Variants in SPRYD4 observed in about 807,000 individuals in gnomAD.
SPRYD4 encodes the protein SPRY domain containing 4.
In SPRYD4, 12 loss-of-function variants were observed where a neutral mutation model predicts 16.6. That is an observed-to-expected ratio of 0.72 (90% CI 0.46 to 1.17). The LOEUF (loss-of-function observed/expected upper bound fraction) is 1.17. SPRYD4 is among the 50% of genes most tolerant of loss of function. SPRYD4 has a pLI of 0.00. For synonymous variants in SPRYD4, 98 were observed against 105.4 expected (o/e 0.93, Z 0.43); for missense variants, 260 against 260.2 (o/e 1.00, Z 0.00).
Position 56,471,850 on chromosome 12 carries a change from C to T in SPRYD4, c.*2273C>T, listed in dbSNP as rs1488875601. ...CTTCGATGTGTCCTAGGAATATGGG[C>T]AGAAGGAAAATGAGAAGGCGCAGGT... On this transcript the variant is annotated 3_prime_UTR_variant, in exon 2 of 2. Transcript: ENST00000338146. The T allele has an allele frequency of 6.2e-7, 1 of 1,613,292 alleles. No homozygotes were observed. The highest frequency in any genetic ancestry group is 8.5e-7 in the Non-Finnish European group (1 of 1,179,698).
chr12:56,474,692 G>A lies in SPRYD4; in HGVS notation c.*5115G>A, dbSNP rs963826487. 6.2e-7 allele frequency: 1 copy of A among 1,611,976 alleles called. No homozygotes were observed. Among genetic ancestry groups the A allele is most frequent in the African/African-American group, 1.3e-5 (1 of 74,918 alleles). On this transcript the variant is annotated 3_prime_UTR_variant, in exon 2 of 2. Coordinates refer to ENST00000338146, the MANE Select transcript of SPRYD4 (RefSeq NM_207344.4). The stretch of plus-strand genomic sequence containing the variant: ...GAGGGTGGCTGCCATGACACTGCCT[G>A]ATTCACAAGTGACCTCCACAGAACA...
Position 56,471,545 on chromosome 12 carries a change from GT to G in SPRYD4, c.*1971del. 6.2e-7 allele frequency: 1 copy of G among 1,614,174 alleles called. No homozygotes were observed. The highest frequency in any genetic ancestry group is 8.5e-7 in the Non-Finnish European group (1 of 1,180,036). ...GGCCTCAGCTGCTGCCTCAGCCTGA[GT>G]TTCAGAGAGTGTGTAGGAGTCCTGG... On this transcript the variant is annotated 3_prime_UTR_variant, in exon 2 of 2. Transcript: ENST00000338146.
At position 56,474,505 on chromosome 12, in the gene SPRYD4, T is replaced by A. The variant is rs768744866; in HGVS notation, c.*4928T>A. 10 of 1,610,462 alleles carry A rather than the reference T, an allele frequency of 6.2e-6. No homozygotes were observed. In the South Asian group the frequency reaches 1.1e-4, roughly 18 times the overall value. ...AGTCAGTGTTCTCTCTTCTTAGCAC[T>A]GGGCTCATGACAGATGGATAGCAGA... On this transcript the variant is annotated 3_prime_UTR_variant, in exon 2 of 2. Transcript: ENST00000338146.
Position 56,478,369 on chromosome 12 carries a change from C to A in SPRYD4, c.*8792C>A, listed in dbSNP as rs1428593454. 2.5e-6 allele frequency: 3 copies of A among 1,209,110 alleles called. No homozygotes were observed. Among genetic ancestry groups the A allele is most frequent in the African/African-American group, 1.5e-5 (1 of 66,728 alleles). The allele number at this position is 1,209,110 out of a possible 1,614,324, so 74.9% of individuals were successfully genotyped here. Reference sequence around the variant, plus strand: ...TAGATAAAAGCTAAAATTCTGTCTTCTATAGGGCAGAGGGGTTCCCTCCTG... The same window carrying A: ...TAGATAAAAGCTAAAATTCTGTCTTATATAGGGCAGAGGGGTTCCCTCCTG... On this transcript the variant is annotated 3_prime_UTR_variant, in exon 2 of 2. Coordinates refer to ENST00000338146, the MANE Select transcript of SPRYD4 (RefSeq NM_207344.4).
At chr12:56,469,008 T>C (rs200961532) in intron 1 of SPRYD4, 31 bp from the exon 2 acceptor site, 47 of 1,534,636 alleles carry the variant, frequency 3.1e-5, no homozygotes, top group Non-Finnish European at 4.0e-5. Flanking sequence ...CTAGCCCCTG[T>C]TATTATCCCG....
chr12:56,473,355 T>C lies in SPRYD4; in HGVS notation c.*3778T>C, dbSNP rs1869485945. The C allele has an allele frequency of 2.5e-6, 4 of 1,610,494 alleles. No individual in the cohort carries two copies. In the South Asian group the frequency reaches 4.4e-5, roughly 18 times the overall value. ...TAAGCCAAATATATTGTTTATTTAC[T>C]CCTTACACTTAGTAGGAGCTCAAAA... On this transcript the variant is annotated 3_prime_UTR_variant, in exon 2 of 2. Coordinates refer to ENST00000338146, the MANE Select transcript of SPRYD4 (RefSeq NM_207344.4).
chr12:56,471,390 A>G lies in SPRYD4; in HGVS notation c.*1813A>G. On this transcript the variant is annotated 3_prime_UTR_variant, in exon 2 of 2. Transcript: ENST00000338146. ...CCAAATGACTGCTTGGTCCCCACTG[A>G]AGCAGTGTAGCTCTCCATAGTATTT... The G allele has an allele frequency of 7.6e-7, 1 of 1,318,706 alleles. No individual in the cohort carries two copies. The highest frequency in any genetic ancestry group is 1.0e-6 in the Non-Finnish European group (1 of 973,532). 81.7% of individuals were successfully genotyped at this position (1,318,706 alleles called of 1,614,324 possible). A position where few individuals can be genotyped will look rare whatever the true frequency, so the allele number is the denominator to read the frequency against.
In SPRYD4 at chr12:56,473,563, C is replaced by G; in HGVS notation, c.*3986C>G. 6.2e-7 allele frequency: 1 copy of G among 1,612,664 alleles called. No homozygotes were observed. The highest frequency in any genetic ancestry group is 8.5e-7 in the Non-Finnish European group (1 of 1,179,848). On this transcript the variant is annotated 3_prime_UTR_variant, in exon 2 of 2. Coordinates refer to ENST00000338146, the MANE Select transcript of SPRYD4 (RefSeq NM_207344.4). ...ATTGGGTACCACCAGGAGGATGGCT[C>G]CTGATACAGCTGACTTGGCTGGCAG...
In SPRYD4 at chr12:56,473,206, A is replaced by G; in HGVS notation, c.*3629A>G. The G allele has an allele frequency of 6.2e-7, 1 of 1,609,574 alleles. No individual in the cohort carries two copies. The highest frequency in any genetic ancestry group is 8.5e-7 in the Non-Finnish European group (1 of 1,176,054). Reference sequence around the variant, plus strand: ...ACCTGGCCTTTGAAATATTCTTACAAGCCACCTGGAGTTTTCCTTACCCGA... The same window carrying G: ...ACCTGGCCTTTGAAATATTCTTACAGGCCACCTGGAGTTTTCCTTACCCGA... On this transcript the variant is annotated 3_prime_UTR_variant, in exon 2 of 2. Transcript: ENST00000338146.
rs566763201 is a variant in SPRYD4, at chr12:56,472,984, G to A, written c.*3407G>A. On this transcript the variant is annotated 3_prime_UTR_variant, in exon 2 of 2. Transcript: ENST00000338146. Reference sequence around the variant, plus strand: ...GGCTCACTGCAACCTCTGCCTCCCGGTTTCAAGCGATTCTCCTGCCTCAGC... The same window carrying A: ...GGCTCACTGCAACCTCTGCCTCCCGATTTCAAGCGATTCTCCTGCCTCAGC... 527 of 582,108 alleles carry A rather than the reference G, an allele frequency of 9.1e-4. No individual in the cohort carries two copies. The highest frequency in any genetic ancestry group is 1.4e-3 in the Non-Finnish European group (464 of 334,460). The allele number at this position is 582,108 out of a possible 1,614,324, so 36.1% of individuals were successfully genotyped here.
At position 56,474,752 on chromosome 12, in the gene SPRYD4, C is replaced by T. The variant is rs118135129; in HGVS notation, c.*5175C>T. On this transcript the variant is annotated 3_prime_UTR_variant, in exon 2 of 2. Coordinates refer to ENST00000338146, the MANE Select transcript of SPRYD4 (RefSeq NM_207344.4). ...AAACAAAGAATAGGTGAAGATGTGA[C>T]GTGAACCTGCACATGGGACCCTCGG... 55 of 1,609,914 alleles carry T rather than the reference C, an allele frequency of 3.4e-5. No homozygotes were observed. The East Asian group carries it at 6.0e-4, about 18-fold the overall frequency.
Position 56,476,029 on chromosome 12 carries a change from G to T in SPRYD4, c.*6452G>T. 1 of 1,574,506 alleles carries T rather than the reference G, an allele frequency of 6.4e-7. No individual in the cohort carries two copies. Among genetic ancestry groups the T allele is most frequent in the South Asian group, 1.1e-5 (1 of 90,098 alleles). ...ATTCTAAGTGTAGGAGGATGACAGA[G>T]GGAAGGGTCAGAAGGATCTAGTGGA... On this transcript the variant is annotated 3_prime_UTR_variant, in exon 2 of 2. Transcript: ENST00000338146.
chr12:56,474,716 C>T lies in SPRYD4; in HGVS notation c.*5139C>T, dbSNP rs780767148. The T allele has an allele frequency of 3.1e-6, 5 of 1,609,280 alleles. No homozygotes were observed. The highest frequency in any genetic ancestry group is 4.2e-6 in the Non-Finnish European group (5 of 1,176,892). The stretch of plus-strand genomic sequence containing the variant: ...TGATTCACAAGTGACCTCCACAGAA[C>T]ACAGCTATGAAAACAAAGAATAGGT... On this transcript the variant is annotated 3_prime_UTR_variant, in exon 2 of 2. Transcript: ENST00000338146.
At position 56,472,040 on chromosome 12, in the gene SPRYD4, C is replaced by T. The variant is rs1565700521; in HGVS notation, c.*2463C>T. Reference sequence around the variant, plus strand: ...TGCTGCCCCTATAACCTTGAGGGCACATATAATGAAGGTACTTTTGGTGAA... The same window carrying T: ...TGCTGCCCCTATAACCTTGAGGGCATATATAATGAAGGTACTTTTGGTGAA... On this transcript the variant is annotated 3_prime_UTR_variant, in exon 2 of 2. Coordinates refer to ENST00000338146, the MANE Select transcript of SPRYD4 (RefSeq NM_207344.4). The T allele has an allele frequency of 1.3e-6, 2 of 1,491,780 alleles. No homozygotes were observed. The highest frequency in any genetic ancestry group is 9.3e-7 in the Non-Finnish European group (1 of 1,074,870). The allele number at this position is 1,491,780 out of a possible 1,614,324, so 92.4% of individuals were successfully genotyped here. A position where few individuals can be genotyped will look rare whatever the true frequency, so the allele number is the denominator to read the frequency against.
At position 56,471,424 on chromosome 12, in the gene SPRYD4, T is replaced by C; in HGVS notation, c.*1847T>C. On this transcript the variant is annotated 3_prime_UTR_variant, in exon 2 of 2. Coordinates refer to ENST00000338146, the MANE Select transcript of SPRYD4 (RefSeq NM_207344.4). ...AGCTCTCCATAGTATTTTTGGTGGT[T>C]ATGGATTACATGTGTGGCCAGCTCA... 1 of 1,521,134 alleles carries C rather than the reference T, an allele frequency of 6.6e-7. No individual in the cohort carries two copies. The highest frequency in any genetic ancestry group is 2.0e-5 in the Admixed American group (1 of 50,058). 94.2% of individuals were successfully genotyped at this position (1,521,134 alleles called of 1,614,324 possible). A position where few individuals can be genotyped will look rare whatever the true frequency, so the allele number is the denominator to read the frequency against.
chr12:56,473,393 A>T lies in SPRYD4; in HGVS notation c.*3816A>T. ...TAGGAGCTCAAAATTGCTTTATTAT[A>T]GTAAAAGTGGTACCATTAAACAAAT... On this transcript the variant is annotated 3_prime_UTR_variant, in exon 2 of 2. Coordinates refer to ENST00000338146, the MANE Select transcript of SPRYD4 (RefSeq NM_207344.4). 2.5e-6 allele frequency: 4 copies of T among 1,605,302 alleles called. No homozygotes were observed. The South Asian group carries it at 4.4e-5, about 18-fold the overall frequency.
Position 56,478,006 on chromosome 12 carries a change from A to T in SPRYD4, c.*8429A>T, listed in dbSNP as rs747968365. On this transcript the variant is annotated 3_prime_UTR_variant, in exon 2 of 2. Coordinates refer to ENST00000338146, the MANE Select transcript of SPRYD4 (RefSeq NM_207344.4). ...TGCCCACAAACTTGTGCACGTAGTC[A>T]GTGCCTAGGGTGCTTATGGAGATGG... 6.2e-7 allele frequency: 1 copy of T among 1,614,238 alleles called. No individual in the cohort carries two copies. The highest frequency in any genetic ancestry group is 1.1e-5 in the South Asian group (1 of 91,090).
chr12:56,472,951 G>A lies in SPRYD4; in HGVS notation c.*3374G>A, dbSNP rs767810331. ...CGTTCAGGCTGAAGTGTAGTGGCGC[G>A]CGGTCTTGGCTCACTGCAACCTCTG... is the stretch of plus-strand genomic sequence containing the variant. On this transcript the variant is annotated 3_prime_UTR_variant, in exon 2 of 2. Transcript: ENST00000338146. 9.8e-5 allele frequency: 57 copies of A among 579,186 alleles called. No individual in the cohort carries two copies. Among genetic ancestry groups the A allele is most frequent in the Non-Finnish European group, 1.5e-4 (51 of 333,224 alleles). 35.9% of individuals were successfully genotyped at this position (579,186 alleles called of 1,614,324 possible). A position where few individuals can be genotyped will look rare whatever the true frequency, so the allele number is the denominator to read the frequency against.
At position 56,473,363 on chromosome 12, in the gene SPRYD4, C is replaced by A; in HGVS notation, c.*3786C>A. 6.2e-7 allele frequency: 1 copy of A among 1,606,870 alleles called. No homozygotes were observed. The highest frequency in any genetic ancestry group is 8.5e-7 in the Non-Finnish European group (1 of 1,175,996). ...ATATATTGTTTATTTACTCCTTACA[C>A]TTAGTAGGAGCTCAAAATTGCTTTA... On this transcript the variant is annotated 3_prime_UTR_variant, in exon 2 of 2. Transcript: ENST00000338146.
Sources: allele counts gnomAD v4.1 joint callset, GRCh38; gene constraint gnomAD v4.1.1; transcripts MANE v1.5; gene names NCBI Gene and HGNC (gene_info 2026-07-23, HGNC 2026-07-21).